Variants in RTL4 observed in about 807,000 individuals in gnomAD.
RTL4 encodes retrotransposon Gag like 4.
A neutral mutation model predicts 5.3 loss-of-function variants in RTL4; 4 were observed. The observed-to-expected ratio is 0.75, with a 90% CI of 0.37 to 1.72. RTL4 has a LOEUF of 1.72. Ranked by LOEUF, RTL4 falls within the 40% of genes most tolerant of loss-of-function variation. The probability of loss-of-function intolerance (pLI) is 0.04; values close to 1 mark genes in which losing one functional copy is unlikely to be tolerated. For missense variants in RTL4, 260 were observed against 227.1 expected, an observed-to-expected ratio of 1.14 and a Z score of -0.93; for synonymous variants, 98 against 87.3, an observed-to-expected ratio of 1.12 and a Z score of -0.68.
the RTL4 span, among the ~76,000 whole-genome samples, chrX:112,429,133 A>G: frequency 1.2e-4 from 13 of 111,519 alleles, no homozygotes; most frequent in African/African-American, 4.2e-4. Flanking sequence ...TAATGAGACC[A>G]TTGATGTTTA....
chrX:112,419,337 C>CTTTTTT, the RTL4 span, among the ~76,000 whole-genome samples: 50 of 24,392 alleles, frequency 2.0e-3, 15 homozygotes, highest in Admixed American at 4.5e-3. Context: ...TTCCATTCAG[C>CTTTTTT]TTTTTTTTTT....
chrX:112,310,136 T>A, the RTL4 span, among the ~76,000 whole-genome samples: 69 of 102,760 alleles, frequency 6.7e-4, 1 homozygote, highest in Non-Finnish European at 1.1e-3. Flanking sequence ...CAAATTCATA[T>A]GTTGAAGCCC....
the RTL4 span, among the ~76,000 whole-genome samples, chrX:112,153,116 T>C: frequency 8.9e-6 from 1 of 112,072 alleles, no homozygotes; most frequent in East Asian, 2.8e-4. Flanking sequence ...CAATCTGACA[T>C]CAGAATTGAT....
the RTL4 span, among the ~76,000 whole-genome samples, chrX:112,326,626 G>A: frequency 7.7e-3 from 862 of 111,954 alleles, 11 homozygotes; most frequent in African/African-American, 0.026. Context: ...CAAAGCAGCC[G>A]GGAAGCTCGA....
the RTL4 span, among the ~76,000 whole-genome samples, chrX:112,144,998 C>T: frequency 3.5e-4 from 39 of 111,107 alleles, no homozygotes; most frequent in East Asian, 9.1e-3. Flanking sequence ...TATGGTTCTA[C>T]AAGTCCTTTT....
chrX:112,386,156 G>T, the RTL4 span, among the ~76,000 whole-genome samples: 1 of 111,027 alleles, frequency 9.0e-6, no homozygotes, highest in Admixed American at 9.5e-5. Context: ...TGGTATACAT[G>T]AGATATTTTT....
the RTL4 span, among the ~76,000 whole-genome samples, chrX:112,089,838 T>C: frequency 9.0e-6 from 1 of 111,400 alleles, no homozygotes; most frequent in Admixed American, 9.5e-5. Context: ...TTTTGGGAAA[T>C]ATTTCCATCT....
chrX:112,276,250 C>T, the RTL4 span, among the ~76,000 whole-genome samples: 28 of 111,373 alleles, frequency 2.5e-4, no homozygotes, highest in African/African-American at 8.5e-4. Flanking sequence ...TGAAAGGAAA[C>T]ATGAACAAGA....
the RTL4 span, among the ~76,000 whole-genome samples, chrX:112,118,085 A>G: frequency 1.8e-5 from 2 of 112,175 alleles, no homozygotes; most frequent in African/African-American, 6.5e-5. Context: ...AACAAGTTCC[A>G]GAGCACTATT....
the RTL4 span, among the ~76,000 whole-genome samples, chrX:112,197,141 G>T: frequency 1.0e-5 from 1 of 98,064 alleles, no homozygotes; most frequent in Non-Finnish European, 2.0e-5. Context: ...TTTTTAAATG[G>T]GCAAAGGACC....
At chrX:112,159,673 C>T in the RTL4 span, among the ~76,000 whole-genome samples, 2 of 111,364 alleles carry the variant, frequency 1.8e-5, no homozygotes, top group Non-Finnish European at 3.8e-5. Flanking sequence ...AACCTCTGGT[C>T]GTTCTTCATT....
the RTL4 span, among the ~76,000 whole-genome samples, chrX:112,193,975 C>T: frequency 9.0e-6 from 1 of 111,141 alleles, no homozygotes; most frequent in Non-Finnish European, 1.9e-5. Context: ...TTAATCAGTC[C>T]CCTATGGCTG....
the RTL4 span, among the ~76,000 whole-genome samples, chrX:112,349,050 T>A: frequency 9.0e-6 from 1 of 111,193 alleles, no homozygotes; most frequent in East Asian, 2.8e-4. Flanking sequence ...AATGACTTGC[T>A]TAGAATAACA....
the RTL4 span, among the ~76,000 whole-genome samples, chrX:112,386,233 TC>T: frequency 8.9e-6 from 1 of 112,393 alleles, no homozygotes; most frequent in East Asian, 2.8e-4. Context: ...CAAGCATTTA[TC>T]CTTTGTGTTA....
the RTL4 span, among the ~76,000 whole-genome samples, chrX:112,436,658 G>T: frequency 9.1e-6 from 1 of 110,482 alleles, no homozygotes. Context: ...CTCCAATTAT[G>T]AGAGAAGGAC....
At chrX:112,419,048 A>G in the RTL4 span, among the ~76,000 whole-genome samples, 565 of 101,796 alleles carry the variant, frequency 5.6e-3, 6 homozygotes, top group African/African-American at 0.019. Context: ...ATATATATAT[A>G]TATATATCTT....
At chrX:112,085,207 C>T in the RTL4 span, among the ~76,000 whole-genome samples, 1 of 111,841 alleles carries the variant, frequency 8.9e-6, no homozygotes, top group African/African-American at 3.2e-5. Flanking sequence ...GGGTAGTTTG[C>T]ACCTAGAGGC....
At chrX:112,193,234 C>A in the RTL4 span, among the ~76,000 whole-genome samples, 2 of 111,471 alleles carry the variant, frequency 1.8e-5, no homozygotes, top group African/African-American at 6.5e-5. Context: ...ATGATCAAAT[C>A]TGGGTAATTG....
the RTL4 span, among the ~76,000 whole-genome samples, chrX:112,165,893 A>C: frequency 1.1e-4 from 12 of 112,438 alleles, no homozygotes; most frequent in African/African-American, 3.6e-4. Flanking sequence ...CCTTTCATTC[A>C]AATGCCATTA....
Sources: allele counts gnomAD v4.1 joint callset (sites outside exome capture counted in the v4.1 genomes callset), GRCh38; gene constraint gnomAD v4.1.1; transcripts MANE v1.5; gene names NCBI Gene and HGNC (gene_info 2026-07-23, HGNC 2026-07-21).